Variants in CPLANE1 observed in about 807,000 individuals in gnomAD.
CPLANE1 encodes ciliogenesis and planar polarity effector 1.
CPLANE1 carries 263 observed loss-of-function variants against 362.5 expected under a neutral mutation model. That is an observed-to-expected ratio of 0.73 (90% CI 0.66 to 0.80). CPLANE1 has a LOEUF of 0.80. Among genes scored for constraint, CPLANE1 ranks in the 30% least tolerant of loss-of-function variants. CPLANE1 has a pLI of 0.00. For missense variants in CPLANE1, 3,461 were observed against 3,793.4 expected (o/e 0.91, Z 2.30); for synonymous variants, 1,212 against 1,302.6 (o/e 0.93, Z 1.50).
chr5:37,167,761 G>A (rs1284048808), intron 34 of CPLANE1, among the ~76,000 whole-genome samples: 1 of 152,138 alleles, frequency 6.6e-6, no homozygotes, highest in African/African-American at 2.4e-5. Flanking sequence ...CTGGTGACAG[G>A]GCAAGGCTCC....
intron 44 of CPLANE1, chr5:37,140,015 T>C (rs1432702750): frequency 3.0e-5 from 28 of 948,590 alleles, no homozygotes; most frequent in Non-Finnish European, 3.5e-5. Context: ...TAATATATTT[T>C]AGAAAATATC....
chr5:37,118,740 A>C (rs1458113556), intron 50 of CPLANE1, among the ~76,000 whole-genome samples: 2 of 148,862 alleles, frequency 1.3e-5, no homozygotes, highest in Non-Finnish European at 3.0e-5. Flanking sequence ...TTTCAGACAG[A>C]GTCTCACTCT....
intron 21 of CPLANE1, among the ~76,000 whole-genome samples, chr5:37,192,082 C>T (rs1785694715): frequency 6.6e-6 from 1 of 152,094 alleles, no homozygotes; most frequent in African/African-American, 2.4e-5. Flanking sequence ...CCATACTTAC[C>T]ATTTTTTAAA....
At chr5:37,230,422 A>T (rs1405021371) in intron 9 of CPLANE1, among the ~76,000 whole-genome samples, 3 of 152,020 alleles carry the variant, frequency 2.0e-5, no homozygotes, top group Admixed American at 6.6e-5. Context: ...AATAAAAAAA[A>T]TTTTAAAACA....
At chr5:37,206,566 C>T (rs551030721) in intron 16 of CPLANE1, 141 bp from the exon 17 acceptor site, 53 of 614,486 alleles carry the variant, frequency 8.6e-5, no homozygotes, top group Admixed American at 5.1e-4. Flanking sequence ...TAAAGTAATA[C>T]TCAACATGCC....
chr5:37,178,332 C>T (rs1029530384), intron 29 of CPLANE1, among the ~76,000 whole-genome samples: 1 of 151,656 alleles, frequency 6.6e-6, no homozygotes, highest in African/African-American at 2.4e-5. Flanking sequence ...ATTGTTACAA[C>T]AGATAGGGCA....
At chr5:37,084,793 T>TATCTTTTTTTTA in the CPLANE1 span, among the ~76,000 whole-genome samples, 1 of 144,658 alleles carries the variant, frequency 6.9e-6, no homozygotes, top group Admixed American at 6.9e-5. Flanking sequence ...TCTTTTTTTT[T>TATCTTTTTTTTA]AAAAAAAAAA....
rs771022441 is a variant in CPLANE1 at position 37,167,040 on chromosome 5, G to T, written c.7400+7C>A. On this transcript the variant is annotated splice_region_variant and intron_variant, in intron 35 of 52. Coordinates refer to ENST00000651892, the MANE Select transcript of CPLANE1 (RefSeq NM_001384732.1). The stretch of plus-strand genomic sequence containing the variant: ...TATTATCAAATAAAATTTCACTTAA[G>T]CCTTGCCTTTTTTTACTGTCCTTTC... The T allele has an allele frequency of 6.2e-7, 1 of 1,600,758 alleles. No individual in the cohort carries two copies. The highest frequency in any genetic ancestry group is 8.5e-7 in the Non-Finnish European group (1 of 1,174,246).
Position 37,140,443 on chromosome 5 carries a change from A to G in CPLANE1, c.8633-1073T>C, listed in dbSNP as rs570051557. On this transcript the variant is annotated intron_variant, in intron 44 of 52. Transcript: ENST00000651892. ...GGTTAAGAGCAACTAATTCAATTTA[A>G]CTAAGAGAGAAATATTTCACATAAA... is the stretch of plus-strand genomic sequence containing the variant. 8.1e-6 allele frequency: 8 copies of G among 985,198 alleles called. No homozygotes were observed. In the East Asian group the frequency reaches 9.1e-4, roughly 112 times the overall value. 61.0% of individuals were successfully genotyped at this position (985,198 alleles called of 1,614,324 possible).
chr5:37,224,772 A>G (rs1796079750), intron 12 of CPLANE1, 32 bp from the exon 13 acceptor site: 3 of 1,469,786 alleles, frequency 2.0e-6, no homozygotes, highest in East Asian at 5.0e-5. Flanking sequence ...TATCAAAAGC[A>G]AATTTCAGGC....
intron 46 of CPLANE1, among the ~76,000 whole-genome samples, chr5:37,132,737 G>A (rs1561353619): frequency 6.6e-6 from 1 of 152,072 alleles, no homozygotes; most frequent in Non-Finnish European, 1.5e-5. Context: ...TAGGCTGTCT[G>A]TTTACTCTGT....
chr5:37,231,366 G>C (rs1797696825), intron 8 of CPLANE1, among the ~76,000 whole-genome samples: 1 of 152,118 alleles, frequency 6.6e-6, no homozygotes, highest in Non-Finnish European at 1.5e-5. Context: ...GATCAACTGA[G>C]GTCAGGAGTT....
intron 8 of CPLANE1, among the ~76,000 whole-genome samples, chr5:37,232,704 C>T (rs1797989996): frequency 6.7e-6 from 1 of 150,302 alleles, no homozygotes; most frequent in African/African-American, 2.5e-5. Flanking sequence ...GTCGTGGTGG[C>T]GTGCACCTGT....
chr5:37,244,643 A>AG, intron 4 of CPLANE1, 36 bp from the exon 5 acceptor site: 1 of 1,193,434 alleles, frequency 8.4e-7, no homozygotes, highest in Non-Finnish European at 1.2e-6. Context: ...TAAGCCTCTG[A>AG]AGTCTGAATT....
chr5:37,181,071 T>C (rs1189427605), intron 26 of CPLANE1, 66 bp from the exon 27 acceptor site: 3 of 1,334,448 alleles, frequency 2.2e-6, no homozygotes, highest in African/African-American at 2.9e-5. Context: ...TATTTTAAAA[T>C]TATTCATTCT....
the CPLANE1 span, among the ~76,000 whole-genome samples, chr5:37,088,712 AC>A: frequency 2.6e-5 from 4 of 152,188 alleles, no homozygotes; most frequent in Non-Finnish European, 5.9e-5. Context: ...CAGAGCAGCC[AC>A]CACAGGGAGC....
intron 51 of CPLANE1, 129 bp from the exon 52 acceptor site, chr5:37,108,600 C>T: frequency 1.2e-6 from 1 of 857,506 alleles, no homozygotes; most frequent in Non-Finnish European, 1.8e-6. Context: ...ATCACAAGGT[C>T]TGGAAATGGT....
intron 8 of CPLANE1, among the ~76,000 whole-genome samples, chr5:37,231,946 A>G (rs1797816322): frequency 1.3e-5 from 2 of 152,208 alleles, no homozygotes; most frequent in South Asian, 4.1e-4. Flanking sequence ...CTTTCAAAGT[A>G]TTATGAATAA....
At position 37,204,748 on chromosome 5, in the gene CPLANE1, T is replaced by TAA. The variant is rs34423138; in HGVS notation, c.3289+565_3289+566dup. Among the ~76,000 whole-genome samples the TAA allele has an allele frequency of 5.4e-3, 764 of 142,250 alleles. 3 individuals are homozygous for TAA. Among genetic ancestry groups the TAA allele is most frequent in the Middle Eastern group, 7.2e-3 (2 of 276 alleles). The allele number at this position is 142,250 out of a possible 152,430, so 93.3% of individuals were successfully genotyped here. A position where few individuals can be genotyped will look rare whatever the true frequency, so the allele number is the denominator to read the frequency against. The stretch of plus-strand genomic sequence containing the variant: ...GCATCAAGAAAGCTACTTTAATATT[T>TAA]AAAAAAAAAAAAAAAGGCATGTATG... On this transcript the variant is annotated intron_variant, in intron 18 of 52. Coordinates refer to ENST00000651892, the MANE Select transcript of CPLANE1 (RefSeq NM_001384732.1).
Sources: gnomAD v4.1 joint callset for allele counts (sites outside exome capture counted in the v4.1 genomes callset) on GRCh38, gnomAD v4.1.1 for gene constraint, MANE v1.5 for transcripts, NCBI Gene and HGNC (gene_info 2026-07-23, HGNC 2026-07-21) for gene names.